Variants in ROBO2 observed in about 807,000 individuals in gnomAD.
The protein encoded by ROBO2 is roundabout guidance receptor 2, also known as roundabout homolog 2.
ROBO2 carries 53 observed loss-of-function variants against 160.8 expected under a neutral mutation model. That is an observed-to-expected ratio of 0.33 (90% CI 0.26 to 0.41). ROBO2 has a LOEUF of 0.41. ROBO2 is among the 10% of genes least tolerant of loss of function. ROBO2 has a pLI of 1.00. For synonymous variants in ROBO2, 664 were observed against 611.7 expected, an observed-to-expected ratio of 1.09 and a Z score of -1.26; for missense variants, 1,577 against 1,722.4, an observed-to-expected ratio of 0.92 and a Z score of 1.49.
chr3:76,834,191 T>C (rs1166945), intron 2 of ROBO2, among the ~76,000 whole-genome samples: 13,692 of 137,368 alleles, frequency 0.1, 936 homozygotes, highest in South Asian at 0.12. Context: ...CTCTCTCTCT[T>C]TCTTTCTTTC....
At chr3:77,403,155 T>C (rs1468699317) in intron 2 of ROBO2, among the ~76,000 whole-genome samples, 1 of 152,224 alleles carries the variant, frequency 6.6e-6, no homozygotes, top group Non-Finnish European at 1.5e-5. Context: ...AAAATATATA[T>C]ACATGTGGAA....
intron 2 of ROBO2, among the ~76,000 whole-genome samples, chr3:76,951,882 T>C (rs1054146705): frequency 1.3e-5 from 2 of 152,232 alleles, no homozygotes; most frequent in African/African-American, 4.8e-5. Context: ...ACCGTAGGCA[T>C]ACAGCCATTG....
intron 2 of ROBO2, among the ~76,000 whole-genome samples, chr3:76,708,261 G>A (rs2093213374): frequency 1.3e-5 from 2 of 152,110 alleles, no homozygotes; most frequent in African/African-American, 2.4e-5. Flanking sequence ...ACGCTTTCTT[G>A]TAGAGATGGC....
intron 2 of ROBO2, among the ~76,000 whole-genome samples, chr3:76,136,838 T>C (rs1416530476): frequency 1.3e-5 from 2 of 152,084 alleles, no homozygotes; most frequent in African/African-American, 4.8e-5. Flanking sequence ...ACAAATCATA[T>C]TCTAGCTTTC....
intron 2 of ROBO2, among the ~76,000 whole-genome samples, chr3:77,213,527 C>G (rs2084484532): frequency 6.6e-6 from 1 of 152,180 alleles, no homozygotes; most frequent in East Asian, 1.9e-4. Context: ...TTCAAAAAAC[C>G]AACTCCTGGA....
chr3:76,077,329 G>A (rs2068675852), intron 2 of ROBO2, among the ~76,000 whole-genome samples: 1 of 152,116 alleles, frequency 6.6e-6, no homozygotes, highest in Admixed American at 6.5e-5. Flanking sequence ...TTTAGAGGCC[G>A]AGGTGGGTGG....
At chr3:76,281,847 G>A (rs1708249700) in intron 2 of ROBO2, among the ~76,000 whole-genome samples, 1 of 151,896 alleles carries the variant, frequency 6.6e-6, no homozygotes, top group Non-Finnish European at 1.5e-5. Flanking sequence ...GAGATTGTTA[G>A]CACAAGGAAT....
intron 2 of ROBO2, among the ~76,000 whole-genome samples, chr3:76,345,241 C>A (rs1240166736): frequency 1.3e-5 from 2 of 152,082 alleles, no homozygotes; most frequent in Non-Finnish European, 1.5e-5. Context: ...CTGGGTGAAT[C>A]TCTGGAGACC....
chr3:77,027,867 G>A (rs2063070379), intron 2 of ROBO2, among the ~76,000 whole-genome samples: 1 of 152,148 alleles, frequency 6.6e-6, no homozygotes, highest in Non-Finnish European at 1.5e-5. Flanking sequence ...ATTGCATTGT[G>A]TCATACAAGA....
chr3:77,566,164 C>T (rs577658770), intron 12 of ROBO2, among the ~76,000 whole-genome samples: 54 of 152,036 alleles, frequency 3.6e-4, no homozygotes, highest in African/African-American at 1.1e-3. Context: ...GCTATTATAA[C>T]GGAGAAGGGC....
chr3:76,793,356 T>C (rs2063487873), intron 2 of ROBO2, among the ~76,000 whole-genome samples: 2 of 151,868 alleles, frequency 1.3e-5, no homozygotes, highest in South Asian at 4.1e-4. Flanking sequence ...AAGATCCACA[T>C]TGCTAATAGG....
At chr3:76,857,080 G>C (rs1486042099) in intron 2 of ROBO2, among the ~76,000 whole-genome samples, 1 of 152,026 alleles carries the variant, frequency 6.6e-6, no homozygotes, top group Non-Finnish European at 1.5e-5. Flanking sequence ...CCTTCTCCCG[G>C]GTTCAAGCGA....
At chr3:77,164,757 A>T in intron 2 of ROBO2, among the ~76,000 whole-genome samples, 1 of 33,286 alleles carries the variant, frequency 3.0e-5, no homozygotes, top group Admixed American at 3.1e-4. Context: ...CCGGGAGGGA[A>T]GTGGGGGGGT....
At chr3:76,217,872 T>C (rs1177398455) in intron 2 of ROBO2, among the ~76,000 whole-genome samples, 1 of 152,144 alleles carries the variant, frequency 6.6e-6, no homozygotes, top group African/African-American at 2.4e-5. Context: ...AAGAGAATTT[T>C]AAACCAATAT....
chr3:77,401,263 T>TA (rs5850329), intron 2 of ROBO2, among the ~76,000 whole-genome samples: 62,127 of 147,436 alleles, frequency 0.42, 13,689 homozygotes, highest in African/African-American at 0.57. Flanking sequence ...TGTTTGTATT[T>TA]AAAAAAAAAA....
At chr3:76,504,200 T>C (rs898833562) in intron 2 of ROBO2, among the ~76,000 whole-genome samples, 2 of 152,226 alleles carry the variant, frequency 1.3e-5, no homozygotes, top group South Asian at 2.1e-4. Context: ...CTTTAAAAAA[T>C]ATATGTAAAA....
chr3:76,884,743 T>G (rs2073711587), intron 2 of ROBO2, among the ~76,000 whole-genome samples: 1 of 152,192 alleles, frequency 6.6e-6, no homozygotes, highest in African/African-American at 2.4e-5. Flanking sequence ...TCTTTTTAAT[T>G]AAATTTTATT....
At chr3:77,218,581 C>A (rs969675046) in intron 2 of ROBO2, among the ~76,000 whole-genome samples, 4 of 152,060 alleles carry the variant, frequency 2.6e-5, no homozygotes, top group African/African-American at 2.4e-5. Flanking sequence ...ACCATCTTGG[C>A]CAGGCTGGTC....
chr3:77,008,374 C>A lies in ROBO2; in HGVS notation c.110-89640C>A, dbSNP rs553274632. On this transcript the variant is annotated intron_variant, in intron 2 of 26. Coordinates refer to the ROBO2 transcript ENST00000487694. ...TTTTTCTAAGTGAAGTTACTTGTAG[C>A]ATCCATATATAATTACTTTCATTGC... Among the ~76,000 whole-genome samples, 7 of 152,222 alleles carry A rather than the reference C, an allele frequency of 4.6e-5. No homozygotes were observed. The South Asian group carries it at 1.5e-3, about 32-fold the overall frequency.
Sources: allele counts gnomAD v4.1 joint callset (sites outside exome capture counted in the v4.1 genomes callset), GRCh38; gene constraint gnomAD v4.1.1; transcripts MANE v1.5; gene names NCBI Gene and HGNC (gene_info 2026-07-23, HGNC 2026-07-21).